PRDM5: variants seen among roughly 807,000 people sequenced by gnomAD.
PRDM5 encodes the protein PR domain zinc finger protein 5.
In PRDM5, 56 loss-of-function variants were observed where a neutral mutation model predicts 81.2. The ratio of observed to expected loss-of-function variants is 0.69; its 90% CI spans 0.56 to 0.86. The LOEUF is 0.86. Among genes scored for constraint, PRDM5 ranks in the 40% least tolerant of loss-of-function variants. The pLI, the probability that PRDM5 is intolerant of heterozygous loss-of-function variation, is 0.00. For synonymous variants in PRDM5, 267 were observed against 256.4 expected (o/e 1.04, Z -0.39); for missense variants, 697 against 770.1 (o/e 0.91, Z 1.12).
At position 120,738,300 on chromosome 4, in the gene PRDM5, G is replaced by A. The variant is rs76412282; in HGVS notation, c.1623+16253C>T. Among the ~76,000 whole-genome samples the A allele has an allele frequency of 5.1e-4, 77 of 152,254 alleles. 4 individuals are homozygous for A. In the East Asian group the frequency reaches 0.01, roughly 20 times the overall value. ...AGATAACTCAGTTTCAGACTCTACC[G>A]TTGTCATTCAATGTTCTATAAAGTA... On this transcript the variant is annotated intron_variant, in intron 14 of 15. Coordinates refer to ENST00000264808, the MANE Select transcript of PRDM5 (RefSeq NM_018699.4).
chr4:120,907,105 CG>C (rs1765888586), intron 2 of PRDM5, among the ~76,000 whole-genome samples: 1 of 151,318 alleles, frequency 6.6e-6, no homozygotes, highest in Non-Finnish European at 1.5e-5. Context: ...GAGGCCGAGA[CG>C]GGTAGATCAC....
Position 120,917,476 on chromosome 4 carries a change from A to C in PRDM5, c.93+5040T>G, listed in dbSNP as rs957461803. 6.6e-5 allele frequency among the ~76,000 whole-genome samples: 10 copies of C among 152,046 alleles called. 1 individual carries two copies. The highest frequency in any genetic ancestry group is 5.9e-4 in the Admixed American group (9 of 15,252). On this transcript the variant is annotated intron_variant, in intron 1 of 15. Coordinates refer to ENST00000264808, the MANE Select transcript of PRDM5 (RefSeq NM_018699.4). The stretch of plus-strand genomic sequence containing the variant: ...TAACATAGTATAAAATTTATCTTAT[A>C]GGTCTGTTATCTTGTGTCTTCCCTC...
intron 10 of PRDM5, among the ~76,000 whole-genome samples, chr4:120,794,994 G>A (rs1480940029): frequency 1.3e-5 from 2 of 152,054 alleles, no homozygotes; most frequent in South Asian, 2.1e-4. Flanking sequence ...CAGCAGTCAT[G>A]GCCCAGAATT....
chr4:120,902,210 T>C (rs940938072), intron 2 of PRDM5, among the ~76,000 whole-genome samples: 2 of 152,182 alleles, frequency 1.3e-5, no homozygotes, highest in Non-Finnish European at 2.9e-5. Context: ...AACTAAATCA[T>C]GGTCAGAACA....
chr4:120,784,899 CT>C, intron 11 of PRDM5, 98 bp downstream of exon 11: 1 of 959,208 alleles, frequency 1.0e-6, no homozygotes. Flanking sequence ...TATATAAATA[CT>C]TATAGGCACA....
intron 1 of PRDM5, among the ~76,000 whole-genome samples, chr4:120,921,890 A>T (rs1455377215): frequency 6.6e-6 from 1 of 151,958 alleles, no homozygotes; most frequent in East Asian, 1.9e-4. Flanking sequence ...CGGAGAAAAA[A>T]GGTATAGACA....
chr4:120,853,372 TC>T (rs1561493726), intron 3 of PRDM5, 45 bp downstream of exon 3: 1 of 1,612,442 alleles, frequency 6.2e-7, no homozygotes, highest in Non-Finnish European at 8.5e-7. Context: ...TATTAATTCA[TC>T]CCCCCTCACA....
chr4:120,687,668 G>A (rs1380639797), downstream of PRDM5, among the ~76,000 whole-genome samples: 1 of 152,142 alleles, frequency 6.6e-6, no homozygotes, highest in Non-Finnish European at 1.5e-5. Context: ...TCAAATTCAT[G>A]TTGAAATTTA....
At chr4:120,716,134 C>T (rs188165398) in intron 14 of PRDM5, among the ~76,000 whole-genome samples, 76 of 152,254 alleles carry the variant, frequency 5.0e-4, no homozygotes, top group African/African-American at 1.7e-3. Flanking sequence ...TACACACACA[C>T]ATTATCCACT....
At chr4:120,842,129 G>C (rs1468659712) in intron 3 of PRDM5, among the ~76,000 whole-genome samples, 1 of 152,170 alleles carries the variant, frequency 6.6e-6, no homozygotes, top group African/African-American at 2.4e-5. Flanking sequence ...GGTTCTGCTT[G>C]TCTGTGGTTA....
intron 2 of PRDM5, among the ~76,000 whole-genome samples, chr4:120,854,550 C>T (rs1759653037): frequency 6.6e-6 from 1 of 152,064 alleles, no homozygotes; most frequent in African/African-American, 2.4e-5. Flanking sequence ...TATTTTCATG[C>T]TACATCTGAA....
At chr4:120,802,884 A>C (rs1425615516) in intron 8 of PRDM5, among the ~76,000 whole-genome samples, 1 of 152,250 alleles carries the variant, frequency 6.6e-6, no homozygotes, top group African/African-American at 2.4e-5. Context: ...TGAGAGAAGA[A>C]GGCTTCAGAC....
Position 120,754,658 on chromosome 4 carries a change from C to T in PRDM5, c.1538-20G>A. The T allele has an allele frequency of 1.3e-6, 2 of 1,520,920 alleles. No homozygotes were observed. Among genetic ancestry groups the T allele is most frequent in the Non-Finnish European group, 1.8e-6 (2 of 1,097,060 alleles). 94.2% of individuals were successfully genotyped at this position (1,520,920 alleles called of 1,614,324 possible). ...GCTCACCTACAAATAAAGGAAGCCT[C>T]CATGTCAGAAAAACATGAAGTAGCA... On this transcript the variant is annotated intron_variant, in intron 13 of 15. Coordinates refer to ENST00000264808, the MANE Select transcript of PRDM5 (RefSeq NM_018699.4).
At chr4:120,798,522 A>G in intron 9 of PRDM5, 98 bp from the exon 10 acceptor site, 5 of 1,126,378 alleles carry the variant, frequency 4.4e-6, no homozygotes, top group Non-Finnish European at 6.4e-6. Context: ...ACGGTAAGAA[A>G]ACTAAAGGAT....
At chr4:120,725,263 G>C (rs541177695) in intron 14 of PRDM5, among the ~76,000 whole-genome samples, 3 of 137,470 alleles carry the variant, frequency 2.2e-5, no homozygotes, top group African/African-American at 7.7e-5. Flanking sequence ...CTTTTCATCT[G>C]ATATACAGTT....
At chr4:120,715,312 C>T (rs888674383) in intron 14 of PRDM5, among the ~76,000 whole-genome samples, 1 of 152,076 alleles carries the variant, frequency 6.6e-6, no homozygotes, top group Non-Finnish European at 1.5e-5. Context: ...CCTTATAGGG[C>T]CTTTTTTCCG....
chr4:120,707,683 G>A (rs1736403697), intron 15 of PRDM5, among the ~76,000 whole-genome samples: 1 of 151,274 alleles, frequency 6.6e-6, no homozygotes, highest in South Asian at 2.1e-4. Context: ...TGCATAAAGG[G>A]CACTTCATCA....
intron 13 of PRDM5, among the ~76,000 whole-genome samples, chr4:120,758,631 C>G (rs1745133861): frequency 6.6e-6 from 1 of 152,106 alleles, no homozygotes; most frequent in African/African-American, 2.4e-5. Flanking sequence ...GGGAGCATGG[C>G]CATGCAAGTG....
chr4:120,732,924 C>T (rs1740475329), intron 14 of PRDM5, among the ~76,000 whole-genome samples: 1 of 152,124 alleles, frequency 6.6e-6, no homozygotes, highest in South Asian at 2.1e-4. Context: ...AGACTGCACT[C>T]AAAATAGGTC....
Sources: gnomAD v4.1 joint callset for allele counts (sites outside exome capture counted in the v4.1 genomes callset) on GRCh38, gnomAD v4.1.1 for gene constraint, MANE v1.5 for transcripts, NCBI Gene and HGNC (gene_info 2026-07-23, HGNC 2026-07-21) for gene names.